The following ATP11A variants were observed in gnomAD, a reference collection of about 807,000 sequenced individuals.
ATP11A encodes the protein phospholipid-transporting ATPase IH.
A neutral mutation model predicts 154.4 loss-of-function variants in ATP11A; 81 were observed. That is an observed-to-expected ratio of 0.52 (90% CI 0.44 to 0.63). The LOEUF is 0.63. Among genes scored for constraint, ATP11A ranks in the 30% least tolerant of loss-of-function variants. The pLI is 0.00. For missense variants in ATP11A, 1,316 were observed against 1,474.3 expected (o/e 0.89, Z 1.76); for synonymous variants, 623 against 585.9 (o/e 1.06, Z -0.91).
At chr13:112,725,703 C>G (rs1169559790) in intron 1 of ATP11A, among the ~76,000 whole-genome samples, 1 of 152,260 alleles carries the variant, frequency 6.6e-6, no homozygotes. Flanking sequence ...GCTGTGGCTG[C>G]AAAGTCCCCA....
rs1165726317 is a variant in ATP11A, at chr13:112,696,641, GC to G, written c.39+6189del. The stretch of plus-strand genomic sequence containing the variant: ...TTTCTTAGGTTACCCCGCGTAGCTG[GC>G]CCGTCCTTCCTTCTCCTGTCTCTTC... On this transcript the variant is annotated intron_variant, in intron 1 of 29. Coordinates refer to ENST00000375645, the MANE Select transcript of ATP11A (RefSeq NM_015205.3). The surrounding 1 kb of genome is among the most constrained non-coding windows in gnomAD (Gnocchi z 6.2). 6.6e-6 allele frequency among the ~76,000 whole-genome samples: 1 copy of G among 152,112 alleles called. No homozygotes were observed. The highest frequency in any genetic ancestry group is 1.5e-5 in the Non-Finnish European group (1 of 68,026).
At chr13:112,777,741 G>A (rs1385197244) in intron 1 of ATP11A, among the ~76,000 whole-genome samples, 1 of 152,208 alleles carries the variant, frequency 6.6e-6, no homozygotes, top group Non-Finnish European at 1.5e-5. Context: ...CTGCCGGAAG[G>A]CTGCCAGGAT....
rs1188261673 is a variant in ATP11A, at chr13:112,690,114, C to A, written c.-303C>A. ...TCCGCCGCGGCCGGGGTGCTCCAGCCGAGCCCAACCGAGCGGGCGGACCGA... is the reference window on the plus strand; with the variant it reads ...TCCGCCGCGGCCGGGGTGCTCCAGCAGAGCCCAACCGAGCGGGCGGACCGA... On this transcript the variant is annotated 5_prime_UTR_variant, in exon 1 of 30. Transcript: ENST00000375645. This position sits in a 1 kb window ranked among gnomAD's most constrained non-coding sequence, Gnocchi z 5.6. Among the ~76,000 whole-genome samples, 1 of 148,336 alleles carries A rather than the reference C, an allele frequency of 6.7e-6. No homozygotes were observed. Among genetic ancestry groups the A allele is most frequent in the Non-Finnish European group, 1.5e-5 (1 of 66,414 alleles).
chr13:112,712,518 C>T (rs781582565), intron 1 of ATP11A, among the ~76,000 whole-genome samples: 9 of 152,194 alleles, frequency 5.9e-5, no homozygotes, highest in African/African-American at 1.9e-4. Flanking sequence ...ACAGCAACCC[C>T]GTCCTGTCCT....
Position 112,823,363 on chromosome 13 carries a change from C to T in ATP11A, c.744C>T (p.Asn248=). 1 of 1,613,738 alleles carries T rather than the reference C, an allele frequency of 6.2e-7. No homozygotes were observed. The highest frequency in any genetic ancestry group is 8.5e-7 in the Non-Finnish European group (1 of 1,179,800). ...DPVVRPLGSE[N]LLLRGATLKN... is the part of the protein sequence containing the mutation. ...TTTACAGGCCCTTAGGATCGGAAAA[C>T]CTGCTGCTTAGAGGAGCTACACTGA... is the stretch of plus-strand genomic sequence containing the variant. Residue 248 remains asparagine, a synonymous_variant, in exon 9 of 30, where the codon AAC becomes AAT. Coordinates refer to ENST00000375645, the MANE Select transcript of ATP11A (RefSeq NM_015205.3).
chr13:112,842,210 A>G, intron 16 of ATP11A, 66 bp from the exon 17 acceptor site: 2 of 1,318,640 alleles, frequency 1.5e-6, no homozygotes, highest in Non-Finnish European at 2.1e-6. Flanking sequence ...ATAATGGCAT[A>G]ATTTTAAAAA....
chr13:112,781,050 C>T (rs546669878), intron 1 of ATP11A, among the ~76,000 whole-genome samples: 80 of 150,828 alleles, frequency 5.3e-4, no homozygotes, highest in African/African-American at 1.9e-3. Context: ...TTTGTTTGTT[C>T]GTTTGTTTGA....
Position 112,869,515 on chromosome 13 carries a change from GAC to G in ATP11A, c.2992-2213_2992-2212del, listed in dbSNP as rs564026712. The stretch of plus-strand genomic sequence containing the variant: ...AGTTATCACCTGTGGCGCTGTTGGT[GAC>G]ACACACTGCTTCACAGGGCACCCTT... On this transcript the variant is annotated intron_variant, in intron 25 of 29. Transcript: ENST00000375645. 1.5e-3 allele frequency among the ~76,000 whole-genome samples: 222 copies of G among 152,330 alleles called. 1 individual carries two copies. The highest frequency in any genetic ancestry group is 2.1e-4 in the South Asian group (1 of 4,832).
At chr13:112,772,504 C>G (rs2077249113) in intron 1 of ATP11A, among the ~76,000 whole-genome samples, 1 of 152,098 alleles carries the variant, frequency 6.6e-6, no homozygotes, top group African/African-American at 2.4e-5. Flanking sequence ...AACATCACCA[C>G]AATCTAATTT....
intron 2 of ATP11A, among the ~76,000 whole-genome samples, chr13:112,789,004 A>G (rs894886848): frequency 7.3e-5 from 11 of 151,498 alleles, no homozygotes; most frequent in African/African-American, 2.7e-4. Context: ...CTTAATTCAC[A>G]TTGAGCATCC....
chr13:112,853,734 T>G (rs1401801513), intron 18 of ATP11A, among the ~76,000 whole-genome samples: 1 of 152,238 alleles, frequency 6.6e-6, no homozygotes, highest in East Asian at 1.9e-4. Flanking sequence ...AGGCCTGGCA[T>G]GTGGCAAGCC....
chr13:112,690,630 A>G lies in ATP11A; in HGVS notation c.39+175A>G, dbSNP rs374925847. ...GCTGGGGAGGGGCCTCGGAGTTGACACCCTGGGGCTTCCGACGGGGTCTAG... is the reference window on the plus strand; with the variant it reads ...GCTGGGGAGGGGCCTCGGAGTTGACGCCCTGGGGCTTCCGACGGGGTCTAG... On this transcript the variant is annotated intron_variant, in intron 1 of 29. Coordinates refer to ENST00000375645, the MANE Select transcript of ATP11A (RefSeq NM_015205.3). The surrounding 1 kb of genome is among the most constrained non-coding windows in gnomAD (Gnocchi z 5.6). Among the ~76,000 whole-genome samples, 31 of 151,332 alleles carry G rather than the reference A, an allele frequency of 2.0e-4. 1 individual carries two copies. The East Asian group carries it at 4.2e-3, about 21-fold the overall frequency.
intron 12 of ATP11A, among the ~76,000 whole-genome samples, chr13:112,829,111 G>A (rs1018721872): frequency 2.0e-5 from 3 of 152,216 alleles, no homozygotes; most frequent in Non-Finnish European, 4.4e-5. Flanking sequence ...GCCCCGTTCT[G>A]CGATGCAGTG....
chr13:112,830,387 C>G (rs927873551), intron 12 of ATP11A, among the ~76,000 whole-genome samples: 2 of 152,092 alleles, frequency 1.3e-5, no homozygotes, highest in African/African-American at 4.8e-5. Context: ...CCAGCCTGGC[C>G]AACATGGCGA....
At chr13:112,791,716 C>G (rs1242206350) in intron 2 of ATP11A, among the ~76,000 whole-genome samples, 1 of 152,180 alleles carries the variant, frequency 6.6e-6, no homozygotes, top group Non-Finnish European at 1.5e-5. Flanking sequence ...CTCCCTGGCT[C>G]TGTGCTACCC....
chr13:112,825,248 G>A (rs938091876), intron 10 of ATP11A, among the ~76,000 whole-genome samples, 182 bp from the exon 11 acceptor site: 3 of 152,156 alleles, frequency 2.0e-5, no homozygotes, highest in African/African-American at 7.2e-5. Flanking sequence ...CTAGAAGTAC[G>A]TGCCAGGGAC....
chr13:112,698,501 A>G (rs1886137986), intron 1 of ATP11A, among the ~76,000 whole-genome samples: 1 of 152,116 alleles, frequency 6.6e-6, no homozygotes, highest in Non-Finnish European at 1.5e-5. Flanking sequence ...CTTTCTCCTT[A>G]TTACATATCC....
intron 1 of ATP11A, among the ~76,000 whole-genome samples, chr13:112,720,497 A>G (rs1004570419): frequency 1.3e-5 from 2 of 151,962 alleles, no homozygotes; most frequent in South Asian, 2.1e-4. Flanking sequence ...GGTTGAGGCA[A>G]AGAGGTTGTG....
intron 17 of ATP11A, 75 bp from the exon 18 acceptor site, chr13:112,850,962 G>A (rs1594172936): frequency 7.1e-7 from 1 of 1,413,620 alleles, no homozygotes; most frequent in East Asian, 2.3e-5. Flanking sequence ...AAGGGATACT[G>A]GGAAGGCCGT....
Sources: allele counts gnomAD v4.1 joint callset (sites outside exome capture counted in the v4.1 genomes callset), GRCh38; gene constraint gnomAD v4.1.1; non-coding constraint Gnocchi (gnomAD v3.1); transcripts MANE v1.5; gene names NCBI Gene and HGNC (gene_info 2026-07-23, HGNC 2026-07-21).